Variants in RCOR1 observed in about 807,000 individuals in gnomAD.
RCOR1 encodes the protein REST corepressor 1, also known as REST corepressor.
A neutral mutation model predicts 64.0 loss-of-function variants in RCOR1; 12 were observed. That is an observed-to-expected ratio of 0.19 (90% CI 0.12 to 0.30). The LOEUF (loss-of-function observed/expected upper bound fraction) is 0.30. Among genes scored for constraint, RCOR1 ranks in the 10% least tolerant of loss-of-function variants. The pLI, the probability that RCOR1 is intolerant of heterozygous loss-of-function variation, is 1.00. For synonymous variants in RCOR1, 279 were observed against 227.2 expected, an observed-to-expected ratio of 1.23 and a Z score of -2.05; for missense variants, 502 against 621.2, an observed-to-expected ratio of 0.81 and a Z score of 2.04.
chr14:102,594,447 C>A (rs1249923915), intron 2 of RCOR1, among the ~76,000 whole-genome samples: 1 of 152,118 alleles, frequency 6.6e-6, no homozygotes, highest in African/African-American at 2.4e-5. Context: ...TGCTCTCAAG[C>A]TGTTATTAAG....
intron 2 of RCOR1, among the ~76,000 whole-genome samples, chr14:102,628,473 CTT>C (rs968413277): frequency 4.0e-5 from 6 of 151,372 alleles, no homozygotes; most frequent in African/African-American, 1.2e-4. Flanking sequence ...CTCTCTCTCT[CTT>C]TTCTTTTTTT....
At chr14:102,608,327 A>G (rs1007589086) in intron 2 of RCOR1, among the ~76,000 whole-genome samples, 1 of 152,198 alleles carries the variant, frequency 6.6e-6, no homozygotes, top group Admixed American at 6.6e-5. Flanking sequence ...TCTGGCTTCT[A>G]TCACTTAGTG....
intron 7 of RCOR1, among the ~76,000 whole-genome samples, chr14:102,712,701 A>G (rs1182507755): frequency 6.8e-6 from 1 of 147,256 alleles, no homozygotes; most frequent in Non-Finnish European, 1.5e-5. Flanking sequence ...ACCAAATTGG[A>G]AATTGGTCGT....
chr14:102,605,098 A>C (rs186378244), intron 2 of RCOR1, among the ~76,000 whole-genome samples: 1 of 151,818 alleles, frequency 6.6e-6, no homozygotes, highest in Non-Finnish European at 1.5e-5. Context: ...AAGGAAAAGA[A>C]AAAACACTTA....
At chr14:102,642,466 C>T (rs564765949) in intron 2 of RCOR1, among the ~76,000 whole-genome samples, 1 of 152,104 alleles carries the variant, frequency 6.6e-6, no homozygotes, top group Non-Finnish European at 1.5e-5. Flanking sequence ...AGGGTTGATA[C>T]AAGGAGGAAG....
At chr14:102,662,567 C>T (rs1271870902) in intron 2 of RCOR1, 6 of 468,590 alleles carry the variant, frequency 1.3e-5, no homozygotes, top group East Asian at 5.3e-5. Flanking sequence ...TGTTTTGGGC[C>T]GCTGGAAGGT....
intron 3 of RCOR1, among the ~76,000 whole-genome samples, chr14:102,691,536 G>A (rs1191811128): frequency 6.6e-6 from 1 of 152,200 alleles, no homozygotes; most frequent in Non-Finnish European, 1.5e-5. Context: ...GCCTATATTG[G>A]CCTAGTTTTC....
intron 7 of RCOR1, among the ~76,000 whole-genome samples, chr14:102,712,838 T>A (rs1049478034): frequency 1.3e-5 from 2 of 151,998 alleles, no homozygotes; most frequent in Non-Finnish European, 2.9e-5. Context: ...TGCTATTTAC[T>A]AGGTTTTTCA....
chr14:102,671,383 C>T (rs1347099758), intron 2 of RCOR1, among the ~76,000 whole-genome samples: 2 of 151,830 alleles, frequency 1.3e-5, no homozygotes, highest in African/African-American at 2.4e-5. Context: ...CAGTTAGTTT[C>T]TGTGTTTTGT....
intron 8 of RCOR1, 159 bp from the exon 9 acceptor site, chr14:102,720,848 A>G: frequency 1.9e-6 from 1 of 513,820 alleles, no homozygotes; most frequent in South Asian, 3.2e-5. Context: ...ACCTAGTTAG[A>G]TGCTTCAAAG....
chr14:102,607,225 G>A (rs1339684419), intron 2 of RCOR1, among the ~76,000 whole-genome samples: 1 of 152,234 alleles, frequency 6.6e-6, no homozygotes. Context: ...GAGCCACCGC[G>A]CCCGGCTGAG....
At chr14:102,673,498 G>A (rs1052317531) in intron 2 of RCOR1, among the ~76,000 whole-genome samples, 1 of 151,394 alleles carries the variant, frequency 6.6e-6, no homozygotes, top group African/African-American at 2.4e-5. Context: ...TACCATGCCC[G>A]GCTAATTTTT....
chr14:102,702,003 T>C (rs1210402980), intron 4 of RCOR1, among the ~76,000 whole-genome samples: 1 of 152,218 alleles, frequency 6.6e-6, no homozygotes, highest in East Asian at 1.9e-4. Context: ...AATGTACTAA[T>C]AAGAAATCCA....
Position 102,632,218 on chromosome 14 carries a change from G to GT in RCOR1, c.361+38909dup, listed in dbSNP as rs58663777. Among the ~76,000 whole-genome samples, 381 of 130,442 alleles carry GT rather than the reference G, an allele frequency of 2.9e-3. 1 individual carries two copies. The highest frequency in any genetic ancestry group is 8.7e-3 in the African/African-American group (313 of 35,946). 85.6% of individuals were successfully genotyped at this position (130,442 alleles called of 152,430 possible). A position where few individuals can be genotyped will look rare whatever the true frequency, so the allele number is the denominator to read the frequency against. ...CCTGAGAAATAATTTCGTTTGTTGG[G>GT]TTTTTTTTTTTTTTTTGAGATGGAG... On this transcript the variant is annotated intron_variant, in intron 2 of 11. Transcript: ENST00000262241.
At chr14:102,679,777 C>T (rs767061507) in intron 2 of RCOR1, among the ~76,000 whole-genome samples, 15 of 152,194 alleles carry the variant, frequency 9.9e-5, no homozygotes, top group Non-Finnish European at 1.8e-4. Flanking sequence ...TGCACCTGGC[C>T]TTTTCTCTGT....
At chr14:102,653,979 C>CTTTGTTTG (rs1255382619) in intron 2 of RCOR1, among the ~76,000 whole-genome samples, 1 of 22,078 alleles carries the variant, frequency 4.5e-5, no homozygotes, top group African/African-American at 2.2e-4. Flanking sequence ...TTCTTTCTTT[C>CTTTGTTTG]TTTCTTTTTT....
chr14:102,620,557 C>G (rs914435052), intron 2 of RCOR1, among the ~76,000 whole-genome samples: 1 of 151,978 alleles, frequency 6.6e-6, no homozygotes, highest in Non-Finnish European at 1.5e-5. Context: ...AGAGCGAAAC[C>G]GTCTCACAAA....
intron 11 of RCOR1, among the ~76,000 whole-genome samples, chr14:102,723,557 C>T (rs1896205255): frequency 1.3e-5 from 2 of 152,288 alleles, no homozygotes; most frequent in Admixed American, 6.5e-5. Flanking sequence ...AGGTCAGTAC[C>T]CCTGAATCAC....
rs1023750852 is a variant in RCOR1 at position 102,721,303 on chromosome 14, C to T, written c.1132-17C>T. ...CTCTAAATGTAATGTGCTAAAATGA[C>T]TCATTTGGATATCCAGGTCATTCAG... On this transcript the variant is annotated splice_polypyrimidine_tract_variant and intron_variant, in intron 9 of 11. Transcript: ENST00000262241. The T allele has an allele frequency of 1.9e-6, 3 of 1,608,394 alleles. No individual in the cohort carries two copies. Among genetic ancestry groups the T allele is most frequent in the Non-Finnish European group, 1.7e-6 (2 of 1,175,236 alleles).
Sources: gnomAD v4.1 joint callset for allele counts (sites outside exome capture counted in the v4.1 genomes callset) on GRCh38, gnomAD v4.1.1 for gene constraint, MANE v1.5 for transcripts, NCBI Gene and HGNC (gene_info 2026-07-23, HGNC 2026-07-21) for gene names.